Variants in SPMIP2 observed in about 807,000 individuals in gnomAD.
SPMIP2 encodes sperm microtubule inner protein 2.
At chr4:159,025,405 TC>T in the SPMIP2 span, among the ~76,000 whole-genome samples, 1 of 151,964 alleles carries the variant, frequency 6.6e-6, no homozygotes, top group Non-Finnish European at 1.5e-5. Context: ...GCTCAAGTGA[TC>T]CCCCCACCTC....
At chr4:159,039,515 G>C in the SPMIP2 span, among the ~76,000 whole-genome samples, 1 of 152,160 alleles carries the variant, frequency 6.6e-6, no homozygotes, top group Non-Finnish European at 1.5e-5. Context: ...GAAAACAAAA[G>C]AAAGAAAACG....
At chr4:158,986,418 T>C in the SPMIP2 span, among the ~76,000 whole-genome samples, 1 of 152,206 alleles carries the variant, frequency 6.6e-6, no homozygotes, top group Admixed American at 6.5e-5. Context: ...AACACCATGG[T>C]ACTGGTATCA....
the SPMIP2 span, among the ~76,000 whole-genome samples, chr4:159,079,408 C>A: frequency 2.0e-5 from 3 of 152,164 alleles, no homozygotes; most frequent in Non-Finnish European, 4.4e-5. Flanking sequence ...CACCAGACAC[C>A]GAATCTGCTG....
At chr4:159,081,770 AATTT>A in the SPMIP2 span, among the ~76,000 whole-genome samples, 238 of 152,302 alleles carry the variant, frequency 1.6e-3, 1 homozygote, top group Middle Eastern at 6.8e-3. Flanking sequence ...GCTTTAACAT[AATTT>A]ATTTAATAAG....
chr4:159,033,387 T>C, the SPMIP2 span, among the ~76,000 whole-genome samples: 1 of 152,228 alleles, frequency 6.6e-6, no homozygotes, highest in Middle Eastern at 3.4e-3. Flanking sequence ...GAATACATGG[T>C]CCTATTAATT....
the SPMIP2 span, among the ~76,000 whole-genome samples, chr4:159,053,867 T>C: frequency 6.6e-6 from 1 of 151,624 alleles, no homozygotes; most frequent in African/African-American, 2.4e-5. Context: ...GGTGGGAGGA[T>C]TGCTTGAACC....
At chr4:159,036,845 T>C in the SPMIP2 span, among the ~76,000 whole-genome samples, 1 of 152,176 alleles carries the variant, frequency 6.6e-6, no homozygotes, top group Non-Finnish European at 1.5e-5. Flanking sequence ...CTCTTTCTGT[T>C]GTTAATTAAT....
the SPMIP2 span, among the ~76,000 whole-genome samples, chr4:159,059,865 G>A: frequency 6.6e-6 from 1 of 152,212 alleles, no homozygotes; most frequent in East Asian, 1.9e-4. Context: ...GATGCTCAGG[G>A]GACTGTGCTT....
the SPMIP2 span, among the ~76,000 whole-genome samples, chr4:159,005,002 G>A: frequency 1.3e-5 from 2 of 152,038 alleles, no homozygotes; most frequent in Non-Finnish European, 2.9e-5. Flanking sequence ...GGAGGTCGAG[G>A]CAAGCGGATC....
chr4:159,067,669 T>C, the SPMIP2 span, among the ~76,000 whole-genome samples: 385 of 152,194 alleles, frequency 2.5e-3, no homozygotes, highest in African/African-American at 8.7e-3. Flanking sequence ...GGGATCTAAT[T>C]AAACTAAAGA....
the SPMIP2 span, among the ~76,000 whole-genome samples, chr4:159,063,667 A>G: frequency 6.6e-6 from 1 of 152,158 alleles, no homozygotes; most frequent in Non-Finnish European, 1.5e-5. Context: ...TTATTTGTTT[A>G]TTTAAGTACT....
the SPMIP2 span, among the ~76,000 whole-genome samples, chr4:158,924,981 A>G: frequency 2.0e-5 from 3 of 152,154 alleles, 1 homozygote; most frequent in East Asian, 5.8e-4. Flanking sequence ...TATATTTTGT[A>G]TCTATATTCA....
At chr4:158,982,642 G>A in the SPMIP2 span, among the ~76,000 whole-genome samples, 2 of 152,144 alleles carry the variant, frequency 1.3e-5, no homozygotes, top group East Asian at 1.9e-4. Flanking sequence ...ATAACGAAAT[G>A]AAGGCAGAAA....
At chr4:159,024,357 C>G in the SPMIP2 span, among the ~76,000 whole-genome samples, 1 of 152,118 alleles carries the variant, frequency 6.6e-6, no homozygotes, top group African/African-American at 2.4e-5. Context: ...AAGGTTCTAC[C>G]TTTTCTGAGA....
At chr4:158,993,925 T>G in the SPMIP2 span, among the ~76,000 whole-genome samples, 4 of 152,278 alleles carry the variant, frequency 2.6e-5, no homozygotes, top group African/African-American at 9.6e-5. Context: ...TTTCTCAGGA[T>G]TGAAGAATAA....
At chr4:158,924,095 A>G in the SPMIP2 span, among the ~76,000 whole-genome samples, 4 of 152,200 alleles carry the variant, frequency 2.6e-5, no homozygotes, top group South Asian at 6.2e-4. Context: ...GACACAGAAA[A>G]TAGCCATCTC....
chr4:158,942,322 T>C, the SPMIP2 span, among the ~76,000 whole-genome samples: 2 of 152,248 alleles, frequency 1.3e-5, no homozygotes, highest in South Asian at 2.1e-4. Flanking sequence ...GGTGAACTTA[T>C]TGAGCCTTCC....
chr4:159,044,368 CAAAAA>C, the SPMIP2 span, among the ~76,000 whole-genome samples: 477 of 100,258 alleles, frequency 4.8e-3, 3 homozygotes, highest in African/African-American at 0.013. Flanking sequence ...GACTCCATCT[CAAAAA>C]AAAAAAAAAA....
the SPMIP2 span, chr4:159,026,120 A>G: frequency 3.4e-6 from 1 of 292,570 alleles, no homozygotes; most frequent in Non-Finnish European, 6.9e-6. Flanking sequence ...TCCTATGCCC[A>G]CCATGACCAC....
Sources: gnomAD v4.1 joint callset for allele counts (sites outside exome capture counted in the v4.1 genomes callset) on GRCh38, gnomAD v4.1.1 for gene constraint, MANE v1.5 for transcripts, NCBI Gene and HGNC (gene_info 2026-07-23, HGNC 2026-07-21) for gene names.